Variants in PTPRJ observed in about 807,000 individuals in gnomAD.
The protein encoded by PTPRJ is protein tyrosine phosphatase receptor type J.
A neutral mutation model predicts 141.3 loss-of-function variants in PTPRJ; 129 were observed. The observed-to-expected ratio is 0.91, with a 90% CI of 0.79 to 1.06. The LOEUF is 1.06. Ranked by LOEUF, PTPRJ falls within the 50% of genes least tolerant of loss-of-function variation. PTPRJ has a pLI of 0.00. For missense variants in PTPRJ, 1,601 were observed against 1,679.7 expected, an observed-to-expected ratio of 0.95 and a Z score of 0.82; for synonymous variants, 610 against 640.5, an observed-to-expected ratio of 0.95 and a Z score of 0.72.
At chr11:48,027,660 C>G (rs535530782) in intron 1 of PTPRJ, among the ~76,000 whole-genome samples, 2 of 151,862 alleles carry the variant, frequency 1.3e-5, no homozygotes, top group East Asian at 3.9e-4. Flanking sequence ...GGCATGGTGG[C>G]ACATGCCTGT....
At chr11:48,057,312 T>C (rs1854782348) in intron 1 of PTPRJ, among the ~76,000 whole-genome samples, 1 of 152,204 alleles carries the variant, frequency 6.6e-6, no homozygotes. Flanking sequence ...TTCTTTTAAA[T>C]GTCCTGAGGT....
intron 1 of PTPRJ, among the ~76,000 whole-genome samples, chr11:48,049,565 C>CAAAACAAAACAA (rs746217685): frequency 6.6e-6 from 1 of 150,704 alleles, no homozygotes; most frequent in African/African-American, 2.5e-5. Context: ...CAAAACAAAA[C>CAAAACAAAACAA]AAGTCGGGTG....
rs541236491 is a variant in PTPRJ, at chr11:47,996,789, G to A, written c.96+15781G>A. 7.9e-5 allele frequency among the ~76,000 whole-genome samples: 12 copies of A among 152,326 alleles called. No individual in the cohort carries two copies. In the East Asian group the frequency reaches 9.6e-4, roughly 12 times the overall value. On this transcript the variant is annotated intron_variant, in intron 1 of 24. Coordinates refer to ENST00000418331, the MANE Select transcript of PTPRJ (RefSeq NM_002843.4). Reference sequence around the variant, plus strand: ...CCTCAGTGTCAGGGACTTTTGTTGCGTAGAGCAGTCACCAAATCCTATGGT... The same window carrying A: ...CCTCAGTGTCAGGGACTTTTGTTGCATAGAGCAGTCACCAAATCCTATGGT...
At chr11:47,989,383 C>T (rs1262797121) in intron 1 of PTPRJ, among the ~76,000 whole-genome samples, 2 of 151,728 alleles carry the variant, frequency 1.3e-5, no homozygotes, top group Non-Finnish European at 2.9e-5. Context: ...TCTCCTGCCT[C>T]AGCTTTCTGA....
rs566930789 is a variant in PTPRJ at position 47,999,967 on chromosome 11, T to C, written c.96+18959T>C. On this transcript the variant is annotated intron_variant, in intron 1 of 24. Coordinates refer to ENST00000418331, the MANE Select transcript of PTPRJ (RefSeq NM_002843.4). ...CGCCTTCTGGGCTCAAGTGATTCTC[T>C]TGCCTCAGCCTCCTGAGTATCTGGG... Among the ~76,000 whole-genome samples, 6 of 147,504 alleles carry C rather than the reference T, an allele frequency of 4.1e-5. No individual in the cohort carries two copies. The East Asian group carries it at 1.2e-3, about 30-fold the overall frequency.
At chr11:48,081,927 G>GTTC (rs1172353407) in intron 1 of PTPRJ, among the ~76,000 whole-genome samples, 2 of 152,174 alleles carry the variant, frequency 1.3e-5, no homozygotes, top group Non-Finnish European at 2.9e-5. Context: ...GGTAGATGTG[G>GTTC]TGAATAGTCT....
chr11:48,140,982 A>C (rs1452066547), intron 11 of PTPRJ, among the ~76,000 whole-genome samples: 4 of 152,074 alleles, frequency 2.6e-5, no homozygotes, highest in African/African-American at 9.7e-5. Flanking sequence ...ACAGGTTTAG[A>C]CAATTATGTT....
At chr11:48,156,946 C>G (rs1202678576) in intron 21 of PTPRJ, among the ~76,000 whole-genome samples, 1 of 151,928 alleles carries the variant, frequency 6.6e-6, no homozygotes, top group Non-Finnish European at 1.5e-5. Context: ...CAGCAGCCTC[C>G]TCTCTCCTGC....
chr11:48,090,597 T>C (rs1289328272), intron 1 of PTPRJ, among the ~76,000 whole-genome samples: 1 of 152,204 alleles, frequency 6.6e-6, no homozygotes, highest in Non-Finnish European at 1.5e-5. Flanking sequence ...TGCCCTGGAA[T>C]GCTGCTGTTT....
chr11:47,981,681 C>G (rs1853913317), intron 1 of PTPRJ, among the ~76,000 whole-genome samples: 1 of 152,068 alleles, frequency 6.6e-6, no homozygotes, highest in East Asian at 1.9e-4. Flanking sequence ...CCCCACCCCA[C>G]CCTCACCCTC....
intron 1 of PTPRJ, among the ~76,000 whole-genome samples, chr11:48,089,799 G>A (rs920778144): frequency 1.3e-5 from 2 of 152,204 alleles, no homozygotes; most frequent in African/African-American, 4.8e-5. Flanking sequence ...GAGGGTGTAA[G>A]GTAGAGTGGG....
chr11:48,114,876 CAG>C (rs1176824302), intron 3 of PTPRJ, among the ~76,000 whole-genome samples: 5 of 151,988 alleles, frequency 3.3e-5, no homozygotes, highest in African/African-American at 1.2e-4. Context: ...GAGAAGCAAA[CAG>C]AAATTCTGAA....
intron 1 of PTPRJ, among the ~76,000 whole-genome samples, chr11:48,036,245 C>G (rs540997993): frequency 6.6e-6 from 1 of 152,324 alleles, no homozygotes; most frequent in African/African-American, 2.4e-5. Flanking sequence ...TCTGTTCTGC[C>G]CCTTCTTGGC....
chr11:47,988,879 GTTTTTTTTTTTTTTT>G (rs869194701), intron 1 of PTPRJ, among the ~76,000 whole-genome samples: 2 of 76,340 alleles, frequency 2.6e-5, no homozygotes, highest in East Asian at 3.8e-4. Flanking sequence ...ATTGTATCTT[GTTTTTTTTTTTTTTT>G]TTTTTTTTTT....
At chr11:47,993,548 C>T (rs1854251749) in intron 1 of PTPRJ, among the ~76,000 whole-genome samples, 1 of 152,060 alleles carries the variant, frequency 6.6e-6, no homozygotes, top group African/African-American at 2.4e-5. Context: ...CCATCTTGGC[C>T]TCCCAAAGTG....
At position 48,114,429 on chromosome 11, in the gene PTPRJ, C is replaced by CAA. The variant is rs71045544; in HGVS notation, c.352+1474_352+1475dup. ...CTCCCGACAGAGTGAGACTCTGTCT[C>CAA]AAAAAAAAAAAAAAAAAAAAAAAAA... On this transcript the variant is annotated intron_variant, in intron 3 of 24. Coordinates refer to ENST00000418331, the MANE Select transcript of PTPRJ (RefSeq NM_002843.4). Among the ~76,000 whole-genome samples the CAA allele has an allele frequency of 8.4e-4, 58 of 68,740 alleles. 2 individuals are homozygous for CAA. Among genetic ancestry groups the CAA allele is most frequent in the African/African-American group, 3.4e-3 (52 of 15,370 alleles). The allele number at this position is 68,740 out of a possible 152,430, so 45.1% of individuals were successfully genotyped here.
chr11:48,130,544 AT>A lies in PTPRJ; in HGVS notation c.1446del (p.Gln483ArgfsTer14). ...CATGGAGCAGCCATGATGCAGAATCATTTCAGATGCATATCACACAGGAGGG... is the reference window on the plus strand; with the variant it reads ...CATGGAGCAGCCATGATGCAGAATCATTCAGATGCATATCACACAGGAGGG... The part of the protein sequence containing the change: ...LAWSSHDAES[F>X]QMHITQEGAG... On this transcript the variant is annotated frameshift_variant, in exon 8 of 25. Transcript: ENST00000418331. LOFTEE classifies it high-confidence loss of function. 6.2e-7 allele frequency: 1 copy of A among 1,614,154 alleles called. No homozygotes were observed. Among genetic ancestry groups the A allele is most frequent in the Non-Finnish European group, 8.5e-7 (1 of 1,180,032 alleles).
chr11:48,161,222 A>G (rs1213273539), intron 22 of PTPRJ, among the ~76,000 whole-genome samples: 1 of 146,796 alleles, frequency 6.8e-6, no homozygotes, highest in Non-Finnish European at 1.5e-5. Context: ...TGGGTAGACT[A>G]TATAATTACC....
At chr11:48,004,931 A>G (rs1270553374) in intron 1 of PTPRJ, among the ~76,000 whole-genome samples, 2 of 152,138 alleles carry the variant, frequency 1.3e-5, no homozygotes, top group African/African-American at 2.4e-5. Context: ...TAGAAAGTAT[A>G]CAGTTCAAAG....
Sources: allele counts gnomAD v4.1 joint callset (sites outside exome capture counted in the v4.1 genomes callset), GRCh38; gene constraint gnomAD v4.1.1; transcripts MANE v1.5; gene names NCBI Gene and HGNC (gene_info 2026-07-23, HGNC 2026-07-21).